CDH13: variants seen among roughly 807,000 people sequenced by gnomAD.
CDH13 encodes cadherin 13.
Under a neutral mutation model 63.8 loss-of-function variants are expected in CDH13, and 24 were observed. The ratio of observed to expected loss-of-function variants is 0.38; its 90% confidence interval spans 0.27 to 0.53. The LOEUF is 0.53. Ranked by LOEUF, CDH13 falls within the 20% of genes least tolerant of loss-of-function variation. CDH13 has a pLI of 0.85. For missense variants in CDH13, 1,049 were observed against 903.1 expected (o/e 1.16, Z -2.07); for synonymous variants, 503 against 355.3 (o/e 1.42, Z -4.67).
chr16:83,109,650 C>T (rs973651703), intron 3 of CDH13, among the ~76,000 whole-genome samples: 8 of 152,120 alleles, frequency 5.3e-5, no homozygotes, highest in Non-Finnish European at 7.3e-5. Flanking sequence ...GGAATACATG[C>T]GCAAATTAAC....
intron 1 of CDH13, among the ~76,000 whole-genome samples, chr16:82,819,748 T>C (rs1878226156): frequency 6.6e-6 from 1 of 152,242 alleles, no homozygotes; most frequent in Admixed American, 6.5e-5. Context: ...CCTATGCTTT[T>C]CCAGGCAGTT....
At chr16:83,614,859 C>T (rs1909155391) in intron 8 of CDH13, among the ~76,000 whole-genome samples, 1 of 152,214 alleles carries the variant, frequency 6.6e-6, no homozygotes, top group African/African-American at 2.4e-5. Flanking sequence ...CCCACTCCAT[C>T]TCATACCATT....
chr16:83,776,625 T>A (rs1213770270), intron 11 of CDH13, among the ~76,000 whole-genome samples: 2 of 152,176 alleles, frequency 1.3e-5, no homozygotes, highest in Non-Finnish European at 2.9e-5. Context: ...CTGCTCAGCT[T>A]CCTTTAAGCT....
At chr16:82,739,463 T>C (rs898898421) in intron 1 of CDH13, among the ~76,000 whole-genome samples, 1 of 152,190 alleles carries the variant, frequency 6.6e-6, no homozygotes, top group Admixed American at 6.5e-5. Context: ...TTAGTTGTCT[T>C]GGTAAATTTT....
chr16:83,012,375 C>G (rs1047069055), intron 2 of CDH13, among the ~76,000 whole-genome samples: 3 of 104,928 alleles, frequency 2.9e-5, no homozygotes, highest in Non-Finnish European at 3.8e-5. Context: ...TTGCTTTCTT[C>G]TAATGAAGTA....
At chr16:83,401,338 CA>C (rs550232099) in intron 6 of CDH13, among the ~76,000 whole-genome samples, 2,067 of 114,992 alleles carry the variant, frequency 0.018, 18 homozygotes, top group African/African-American at 0.041. Flanking sequence ...GACTCCATCT[CA>C]AAAAAAAAAA....
At chr16:83,460,786 G>T (rs143989665) in intron 6 of CDH13, among the ~76,000 whole-genome samples, 1 of 151,264 alleles carries the variant, frequency 6.6e-6, no homozygotes. Context: ...TTTAGCCTAG[G>T]ATTTTGTCCA....
chr16:83,248,131 G>A (rs1418602729), intron 5 of CDH13, among the ~76,000 whole-genome samples: 1 of 152,064 alleles, frequency 6.6e-6, no homozygotes, highest in African/African-American at 2.4e-5. Context: ...GAACACCACG[G>A]GAACCTGCTG....
At chr16:83,396,689 G>C (rs1401764615) in intron 6 of CDH13, 1 of 152,104 alleles carries the variant, frequency 6.6e-6, no homozygotes, top group Non-Finnish European at 1.5e-5. Flanking sequence ...CTGAAGATAA[G>C]CAGTAATTGA....
chr16:83,236,584 C>G (rs957842226), intron 5 of CDH13, among the ~76,000 whole-genome samples: 1 of 152,080 alleles, frequency 6.6e-6, no homozygotes, highest in Non-Finnish European at 1.5e-5. Context: ...CAAGGCTATT[C>G]TGGAAAAACA....
chr16:83,081,691 G>A (rs2033261288), intron 3 of CDH13, among the ~76,000 whole-genome samples: 1 of 150,208 alleles, frequency 6.7e-6, no homozygotes, highest in Non-Finnish European at 1.5e-5. Context: ...ACAGTAAAGA[G>A]AGAGAGAGAG....
At chr16:83,245,944 C>G (rs1304549017) in intron 5 of CDH13, among the ~76,000 whole-genome samples, 1 of 152,096 alleles carries the variant, frequency 6.6e-6, no homozygotes, top group African/African-American at 2.4e-5. Flanking sequence ...TCCATACAGC[C>G]CAGGCTGGTC....
At chr16:83,435,738 C>G (rs1243210401) in intron 6 of CDH13, among the ~76,000 whole-genome samples, 1 of 152,126 alleles carries the variant, frequency 6.6e-6, no homozygotes, top group Non-Finnish European at 1.5e-5. Flanking sequence ...TGCTGTGTCC[C>G]TAGGAGAGGC....
At chr16:82,671,873 A>C (rs1454005834) in intron 1 of CDH13, among the ~76,000 whole-genome samples, 3 of 152,218 alleles carry the variant, frequency 2.0e-5, no homozygotes, top group African/African-American at 7.2e-5. Flanking sequence ...GAAAAGAGAA[A>C]GTTGCGCACC....
rs1192950905 is a variant in CDH13, at chr16:83,049,323, C to CACTTTTTTTTTTTTTTTTT, written c.366+17105_366+17106insACTTTTTTTTTTTTTTTTT. On this transcript the variant is annotated intron_variant, in intron 3 of 13. Coordinates refer to ENST00000567109, the MANE Select transcript of CDH13 (RefSeq NM_001257.5). ...CAATACTTGGGCATTTATGACTGGC[C>CACTTTTTTTTTTTTTTTTT]TCTTTTTTTTTTTTTTTTTTTTTGA... 2.9e-5 allele frequency among the ~76,000 whole-genome samples: 2 copies of CACTTTTTTTTTTTTTTTTT among 68,988 alleles called. 1 individual carries two copies. The highest frequency in any genetic ancestry group is 1.1e-4 in the African/African-American group (2 of 17,660). 45.3% of individuals were successfully genotyped at this position (68,988 alleles called of 152,430 possible).
At chr16:83,140,694 A>T (rs1415650287) in intron 4 of CDH13, among the ~76,000 whole-genome samples, 1 of 152,120 alleles carries the variant, frequency 6.6e-6, no homozygotes, top group African/African-American at 2.4e-5. Context: ...ACCTCAGGTG[A>T]TCCACCCGCC....
intron 1 of CDH13, among the ~76,000 whole-genome samples, chr16:82,757,814 C>A (rs899209667): frequency 6.6e-6 from 1 of 151,944 alleles, no homozygotes; most frequent in Non-Finnish European, 1.5e-5. Context: ...GCTAGGCCAG[C>A]TAATTTTTGT....
chr16:83,279,937 C>T (rs943661722), intron 5 of CDH13, among the ~76,000 whole-genome samples: 9 of 151,874 alleles, frequency 5.9e-5, no homozygotes, highest in South Asian at 4.2e-4. Context: ...GAAAAATGTA[C>T]ATACCTTAAT....
At chr16:83,416,984 G>C (rs968772317) in intron 6 of CDH13, among the ~76,000 whole-genome samples, 1 of 152,142 alleles carries the variant, frequency 6.6e-6, no homozygotes, top group Non-Finnish European at 1.5e-5. Flanking sequence ...TTTAAAAATA[G>C]TGTTTTTAAA....
Sources: allele counts gnomAD v4.1 joint callset (sites outside exome capture counted in the v4.1 genomes callset), GRCh38; gene constraint gnomAD v4.1.1; transcripts MANE v1.5; gene names NCBI Gene and HGNC (gene_info 2026-07-23, HGNC 2026-07-21).